The following IMMP2L variants were observed in gnomAD, a reference collection of about 807,000 sequenced individuals.
IMMP2L encodes mitochondrial inner membrane protease subunit 2.
IMMP2L carries 18 observed loss-of-function variants against 19.3 expected under a neutral mutation model. That is an observed-to-expected ratio of 0.93 (90% CI 0.64 to 1.38). IMMP2L has a LOEUF of 1.38. IMMP2L is among the 40% of genes most tolerant of loss of function. The pLI, the probability that IMMP2L is intolerant of heterozygous loss-of-function variation, is 0.00. For missense variants in IMMP2L, 233 were observed against 218.2 expected (o/e 1.07, Z -0.43); for synonymous variants, 76 against 73.0 (o/e 1.04, Z -0.21).
intron 3 of IMMP2L, among the ~76,000 whole-genome samples, chr7:111,002,170 G>A (rs192614120): frequency 2.6e-5 from 4 of 152,206 alleles, no homozygotes; most frequent in African/African-American, 9.6e-5. Context: ...GCAGAATTCT[G>A]AAAATAAGTT....
intron 3 of IMMP2L, among the ~76,000 whole-genome samples, chr7:111,197,449 C>T (rs531331302): frequency 2.0e-5 from 3 of 151,862 alleles, no homozygotes; most frequent in Non-Finnish European, 4.4e-5. Flanking sequence ...GGCAACAGAG[C>T]GAGACTCCAT....
intron 3 of IMMP2L, among the ~76,000 whole-genome samples, chr7:111,030,216 C>A (rs1328350468): frequency 6.6e-6 from 1 of 151,954 alleles, no homozygotes; most frequent in Admixed American, 6.6e-5. Context: ...ACCACTGAGG[C>A]AATTGTTTTA....
chr7:110,901,673 A>T (rs1811877004), intron 4 of IMMP2L, among the ~76,000 whole-genome samples: 1 of 152,220 alleles, frequency 6.6e-6, no homozygotes, highest in Non-Finnish European at 1.5e-5. Flanking sequence ...GTGGAATTCA[A>T]TCTGGATACA....
chr7:111,090,020 C>T (rs1208027781), intron 3 of IMMP2L, among the ~76,000 whole-genome samples: 1 of 151,834 alleles, frequency 6.6e-6, no homozygotes, highest in Non-Finnish European at 1.5e-5. Flanking sequence ...AGGGTAGTCT[C>T]TCAAAACTGG....
chr7:110,786,988 T>C (rs534849418), intron 5 of IMMP2L, among the ~76,000 whole-genome samples: 2 of 151,942 alleles, frequency 1.3e-5, no homozygotes, highest in Non-Finnish European at 2.9e-5. Flanking sequence ...TTCCACACAA[T>C]AGTATTCTTT....
chr7:111,328,838 CA>C (rs1825596857), intron 3 of IMMP2L, among the ~76,000 whole-genome samples: 1 of 151,670 alleles, frequency 6.6e-6, no homozygotes, highest in Admixed American at 6.6e-5. Flanking sequence ...ATAGTTTTCT[CA>C]GATAAAAAGA....
chr7:111,242,033 T>C (rs975196937), intron 3 of IMMP2L, among the ~76,000 whole-genome samples: 4 of 152,108 alleles, frequency 2.6e-5, no homozygotes, highest in Non-Finnish European at 5.9e-5. Context: ...GTTTTCTTTC[T>C]AGATTATGAA....
At chr7:111,367,276 C>A (rs1019635732) in intron 3 of IMMP2L, among the ~76,000 whole-genome samples, 1 of 151,652 alleles carries the variant, frequency 6.6e-6, no homozygotes, top group Non-Finnish European at 1.5e-5. Flanking sequence ...TTAATAATTT[C>A]TTCAAAACTA....
At chr7:111,047,084 T>C (rs1203771854) in intron 3 of IMMP2L, among the ~76,000 whole-genome samples, 1 of 152,232 alleles carries the variant, frequency 6.6e-6, no homozygotes, top group Non-Finnish European at 1.5e-5. Context: ...TGCTGTTTCC[T>C]GTCTCTATGC....
At chr7:111,154,812 C>T (rs1052039828) in intron 3 of IMMP2L, among the ~76,000 whole-genome samples, 1 of 152,130 alleles carries the variant, frequency 6.6e-6, no homozygotes, top group Non-Finnish European at 1.5e-5. Context: ...AGCCGGAGTA[C>T]AGTGGTGTGA....
intron 5 of IMMP2L, among the ~76,000 whole-genome samples, chr7:110,790,067 ATAAACT>A (rs1800361685): frequency 6.6e-6 from 1 of 151,700 alleles, no homozygotes; most frequent in Non-Finnish European, 1.5e-5. Flanking sequence ...TGCTAAGGAT[ATAAACT>A]TTGTCTTGTT....
chr7:111,514,883 A>G (rs1845750461), intron 2 of IMMP2L, among the ~76,000 whole-genome samples: 1 of 152,130 alleles, frequency 6.6e-6, no homozygotes, highest in Non-Finnish European at 1.5e-5. Flanking sequence ...AGTAAATACC[A>G]TTATCACCCC....
chr7:110,702,340 T>C lies in IMMP2L; in HGVS notation c.409-38619A>G, dbSNP rs541970765. Among the ~76,000 whole-genome samples, 60 of 152,306 alleles carry C rather than the reference T, an allele frequency of 3.9e-4. 2 individuals carry two copies. The highest frequency in any genetic ancestry group is 1.4e-3 in the African/African-American group (60 of 41,564). On this transcript the variant is annotated intron_variant, in intron 5 of 5. Transcript: ENST00000405709. ...ATATATTATTTGGCTTTAATGTATA[T>C]ACATATACATGTTCACAGAAATTTT...
intron 4 of IMMP2L, among the ~76,000 whole-genome samples, chr7:110,950,517 G>A (rs1585404769): frequency 6.6e-6 from 1 of 151,896 alleles, no homozygotes; most frequent in Non-Finnish European, 1.5e-5. Flanking sequence ...CACTATGGAG[G>A]TTCTTCAAAA....
At chr7:111,268,590 T>C (rs1303338572) in intron 3 of IMMP2L, among the ~76,000 whole-genome samples, 8 of 91,964 alleles carry the variant, frequency 8.7e-5, no homozygotes, top group African/African-American at 3.3e-4. Flanking sequence ...TTTTTTTTTT[T>C]TTTTTTTTTT....
chr7:110,813,195 C>T (rs1351615046), intron 5 of IMMP2L, among the ~76,000 whole-genome samples: 2 of 152,114 alleles, frequency 1.3e-5, no homozygotes, highest in East Asian at 1.9e-4. Context: ...TCTAAATCAT[C>T]TTATTTTTAT....
rs564833992 is a variant in IMMP2L, at chr7:111,360,625, C to T, written c.239+126613G>A. ...TTGAACCCAGGAGTTTGAGACCAGC[C>T]TGGGCAACATAGCAAGACCTCATCT... On this transcript the variant is annotated intron_variant, in intron 3 of 5. Transcript: ENST00000405709. Among the ~76,000 whole-genome samples, 8 of 152,122 alleles carry T rather than the reference C, an allele frequency of 5.3e-5. No individual in the cohort carries two copies. The East Asian group carries it at 1.5e-3, about 29-fold the overall frequency.
intron 3 of IMMP2L, among the ~76,000 whole-genome samples, chr7:111,405,493 C>A (rs1307967344): frequency 6.6e-6 from 1 of 151,884 alleles, no homozygotes; most frequent in East Asian, 1.9e-4. Flanking sequence ...CACATAAATT[C>A]TAAAGAATAT....
chr7:111,067,433 G>C (rs934704016), intron 3 of IMMP2L, among the ~76,000 whole-genome samples: 2 of 152,208 alleles, frequency 1.3e-5, no homozygotes, highest in Non-Finnish European at 2.9e-5. Context: ...AAGGCTAGAG[G>C]CAGACGGGAG....
Sources: allele counts gnomAD v4.1 joint callset (sites outside exome capture counted in the v4.1 genomes callset), GRCh38; gene constraint gnomAD v4.1.1; transcripts MANE v1.5; gene names NCBI Gene and HGNC (gene_info 2026-07-23, HGNC 2026-07-21).